Variants in PPP1R12B observed in about 807,000 individuals in gnomAD.
The protein encoded by PPP1R12B is myosin phosphatase target subunit 2.
Under a neutral mutation model 126.1 loss-of-function variants are expected in PPP1R12B, and 76 were observed. That is an observed-to-expected ratio of 0.60 (90% CI 0.50 to 0.73). The LOEUF (loss-of-function observed/expected upper bound fraction) is 0.73, where lower values mean the gene tolerates loss of function less well. Ranked by LOEUF, PPP1R12B falls within the 30% of genes least tolerant of loss-of-function variation. PPP1R12B has a pLI of 0.00. For synonymous variants in PPP1R12B, 356 were observed against 434.7 expected (o/e 0.82, Z 2.25); for missense variants, 1,052 against 1,205.1 (o/e 0.87, Z 1.88).
intron 9 of PPP1R12B, among the ~76,000 whole-genome samples, chr1:202,436,924 T>C (rs575465347): frequency 6.6e-6 from 1 of 152,242 alleles, no homozygotes; most frequent in African/African-American, 2.4e-5. Context: ...ACTGCTACTC[T>C]AGATCAAATA....
rs1689649898 is a variant in PPP1R12B, at chr1:202,583,305, T to G, written c.*2745T>G. 6.6e-6 allele frequency: 1 copy of G among 152,190 alleles called. No individual in the cohort carries two copies. Among genetic ancestry groups the G allele is most frequent in the African/African-American group, 2.4e-5 (1 of 41,428 alleles). 9.4% of individuals were successfully genotyped at this position (152,190 alleles called of 1,614,324 possible). Reference sequence around the variant, plus strand: ...GCCTCCTCAGATCTGTTTGTGCCTTTCAAAAGTACTGGGGGCAGATTCTCA... The same window carrying G: ...GCCTCCTCAGATCTGTTTGTGCCTTGCAAAAGTACTGGGGGCAGATTCTCA... On this transcript the variant is annotated 3_prime_UTR_variant, in exon 24 of 24. Coordinates refer to ENST00000608999, the MANE Select transcript of PPP1R12B (RefSeq NM_002481.4).
At chr1:202,355,390 CA>C (rs1423967256) in intron 1 of PPP1R12B, among the ~76,000 whole-genome samples, 1 of 152,150 alleles carries the variant, frequency 6.6e-6, no homozygotes, top group Admixed American at 6.5e-5. Context: ...TTTAGAGTTC[CA>C]AATTCTATGA....
intron 8 of PPP1R12B, among the ~76,000 whole-genome samples, chr1:202,433,327 T>C (rs1229442217): frequency 2.0e-5 from 3 of 152,238 alleles, no homozygotes; most frequent in African/African-American, 7.2e-5. Flanking sequence ...TGGTCATTGC[T>C]TTGTGATTTG....
chr1:202,414,772 G>C (rs6681875), intron 1 of PPP1R12B, among the ~76,000 whole-genome samples: 3,548 of 152,148 alleles, frequency 0.023, 53 homozygotes, highest in Non-Finnish European at 0.029. Context: ...TGCACAAGTG[G>C]TGTGTTTTTA....
intron 2 of PPP1R12B, among the ~76,000 whole-genome samples, chr1:202,418,474 T>C (rs1435818599): frequency 1.0e-4 from 5 of 49,942 alleles, no homozygotes; most frequent in African/African-American, 2.2e-4. Flanking sequence ...TATAATTGCT[T>C]TTTTTTTTTT....
intron 10 of PPP1R12B, among the ~76,000 whole-genome samples, chr1:202,440,467 A>C (rs1380300693): frequency 6.6e-6 from 1 of 152,092 alleles, no homozygotes. Flanking sequence ...TGTTTTCTTT[A>C]TTTACTCATC....
At chr1:202,423,859 T>C (rs1669135437) in intron 3 of PPP1R12B, among the ~76,000 whole-genome samples, 2 of 151,982 alleles carry the variant, frequency 1.3e-5, no homozygotes, top group African/African-American at 4.8e-5. Flanking sequence ...AATTTTTGTA[T>C]TTTTTGGTAG....
chr1:202,396,431 C>T (rs965887173), intron 1 of PPP1R12B, among the ~76,000 whole-genome samples: 1 of 152,042 alleles, frequency 6.6e-6, no homozygotes, highest in African/African-American at 2.4e-5. Flanking sequence ...TTATGTGGGG[C>T]AGTGTTTAAT....
chr1:202,438,688 A>G (rs555316318), intron 10 of PPP1R12B: 129 of 605,670 alleles, frequency 2.1e-4, no homozygotes, highest in African/African-American at 1.8e-3. Flanking sequence ...CGCCGGGTTC[A>G]AGCCGCCCAG....
At chr1:202,414,285 A>C (rs1265432590) in intron 1 of PPP1R12B, among the ~76,000 whole-genome samples, 2 of 152,204 alleles carry the variant, frequency 1.3e-5, no homozygotes, top group African/African-American at 4.8e-5. Context: ...TTAAATGTTC[A>C]TGCAGTGTGG....
rs202018825 is a variant in PPP1R12B, at chr1:202,419,516, T to TC, written c.422+2601dup. ...TAAAGAGGTTTTTAACTTTTTTTTT[T>TC]CCTAGAACTGGAGAAAATGGAAAAA... On this transcript the variant is annotated intron_variant, in intron 2 of 23. Transcript: ENST00000608999. The surrounding 1 kb of genome is among the most constrained non-coding windows in gnomAD (Gnocchi z 4.6). 3.9e-5 allele frequency among the ~76,000 whole-genome samples: 6 copies of TC among 151,910 alleles called. No homozygotes were observed. In the East Asian group the frequency reaches 5.8e-4, roughly 15 times the overall value.
chr1:202,400,939 G>A (rs1665730968), intron 1 of PPP1R12B, among the ~76,000 whole-genome samples: 2 of 152,206 alleles, frequency 1.3e-5, no homozygotes, highest in South Asian at 4.1e-4. Flanking sequence ...CCCACTGCCT[G>A]TTTTTGTACA....
intron 1 of PPP1R12B, 68 bp from the exon 2 acceptor site, chr1:202,416,719 G>A (rs1299915376): frequency 8.5e-6 from 12 of 1,418,262 alleles, no homozygotes; most frequent in Non-Finnish European, 1.2e-5. Flanking sequence ...AGTGCCCAGA[G>A]CAGTGTCTGG....
chr1:202,358,839 C>T (rs750283675), intron 1 of PPP1R12B, among the ~76,000 whole-genome samples: 4 of 152,108 alleles, frequency 2.6e-5, no homozygotes, highest in Non-Finnish European at 4.4e-5. Context: ...TGTTATGACA[C>T]AGTGATAATC....
intron 18 of PPP1R12B, among the ~76,000 whole-genome samples, chr1:202,498,204 G>A (rs926213521): frequency 6.6e-6 from 1 of 152,172 alleles, no homozygotes; most frequent in African/African-American, 2.4e-5. Context: ...TAGGACTGTT[G>A]ACTTGAAAGT....
At chr1:202,379,997 G>A (rs968836439) in intron 1 of PPP1R12B, among the ~76,000 whole-genome samples, 2 of 152,230 alleles carry the variant, frequency 1.3e-5, no homozygotes, top group East Asian at 3.9e-4. Context: ...GAGTAAAAAC[G>A]CATATAAAAT....
intron 1 of PPP1R12B, among the ~76,000 whole-genome samples, chr1:202,359,366 C>T (rs1478236213): frequency 6.6e-6 from 1 of 152,004 alleles, no homozygotes; most frequent in African/African-American, 2.4e-5. Context: ...CTCCTGACCT[C>T]AGGTGATCCA....
intron 1 of PPP1R12B, among the ~76,000 whole-genome samples, chr1:202,359,292 G>A (rs753656168): frequency 7.2e-5 from 11 of 151,732 alleles, no homozygotes; most frequent in African/African-American, 1.5e-4. Context: ...CCCCACGCCC[G>A]GCTAATTTTG....
intron 2 of PPP1R12B, among the ~76,000 whole-genome samples, chr1:202,422,238 T>C (rs190194101): frequency 6.6e-6 from 1 of 152,250 alleles, no homozygotes; most frequent in African/African-American, 2.4e-5. Flanking sequence ...CAAATTTTAA[T>C]GCACACTTTA....
Sources: gnomAD v4.1 joint callset for allele counts (sites outside exome capture counted in the v4.1 genomes callset) on GRCh38, gnomAD v4.1.1 for gene constraint, Gnocchi (gnomAD v3.1) non-coding constraint, MANE v1.5 for transcripts, NCBI Gene and HGNC (gene_info 2026-07-23, HGNC 2026-07-21) for gene names.